The following ARL15 variants were observed in gnomAD, a reference collection of about 807,000 sequenced individuals.
ARL15 encodes ADP-ribosylation factor-like protein 15.
ARL15 carries 19 observed loss-of-function variants against 25.2 expected under a neutral mutation model. The observed-to-expected ratio is 0.75, with a 90% CI of 0.53 to 1.10. The LOEUF is 1.10. Ranked by LOEUF, ARL15 falls within the 50% of genes least tolerant of loss-of-function variation. The pLI, the probability that ARL15 is intolerant of heterozygous loss-of-function variation, is 0.00. For synonymous variants in ARL15, 94 were observed against 86.8 expected (o/e 1.08, Z -0.46); for missense variants, 220 against 246.0 (o/e 0.89, Z 0.71).
chr5:53,893,273 C>CT (rs1744776768), intron 4 of ARL15, among the ~76,000 whole-genome samples: 1 of 152,038 alleles, frequency 6.6e-6, no homozygotes, highest in Non-Finnish European at 1.5e-5. Flanking sequence ...ACCACAGAAA[C>CT]CTGCGAGTAC....
At chr5:54,272,908 G>C (rs1757826510) in intron 1 of ARL15, among the ~76,000 whole-genome samples, 1 of 152,130 alleles carries the variant, frequency 6.6e-6, no homozygotes, top group African/African-American at 2.4e-5. Context: ...AGCAGAGTAA[G>C]GAGACCTCTG....
chr5:54,147,383 C>T (rs1445899236), intron 3 of ARL15, among the ~76,000 whole-genome samples: 1 of 151,994 alleles, frequency 6.6e-6, no homozygotes, highest in Non-Finnish European at 1.5e-5. Flanking sequence ...CAGCCCAATC[C>T]CTTGGGAAAT....
intron 4 of ARL15, among the ~76,000 whole-genome samples, chr5:53,894,920 C>T (rs2111912753): frequency 6.6e-6 from 1 of 152,348 alleles, no homozygotes. Context: ...GTTGCCTCCT[C>T]ATCACCCAGG....
chr5:54,024,485 A>T (rs1749719614), intron 4 of ARL15, among the ~76,000 whole-genome samples: 1 of 152,230 alleles, frequency 6.6e-6, no homozygotes, highest in African/African-American at 2.4e-5. Flanking sequence ...ACACAATTTT[A>T]AAATTAATAT....
At chr5:54,295,645 T>C (rs913132378) in intron 1 of ARL15, among the ~76,000 whole-genome samples, 1 of 152,124 alleles carries the variant, frequency 6.6e-6, no homozygotes, top group Admixed American at 6.6e-5. Context: ...ATATAAAATA[T>C]ACATTTCTAT....
At chr5:54,095,657 C>G (rs906372706) in intron 4 of ARL15, among the ~76,000 whole-genome samples, 11 of 152,146 alleles carry the variant, frequency 7.2e-5, no homozygotes, top group African/African-American at 2.6e-4. Flanking sequence ...GCTTTCTCCC[C>G]CCAAGTACTA....
Position 54,154,659 on chromosome 5 carries a change from A to G in ARL15, c.194-20T>C. 1 of 1,451,872 alleles carries G rather than the reference A, an allele frequency of 6.9e-7. No homozygotes were observed. Among genetic ancestry groups the G allele is most frequent in the Non-Finnish European group, 9.2e-7 (1 of 1,086,702 alleles). The allele number at this position is 1,451,872 out of a possible 1,614,324, so 89.9% of individuals were successfully genotyped here. A position where few individuals can be genotyped will look rare whatever the true frequency, so the allele number is the denominator to read the frequency against. On this transcript the variant is annotated intron_variant, in intron 2 of 4. Coordinates refer to ENST00000504924, the MANE Select transcript of ARL15 (RefSeq NM_019087.3). ...TAAAACCTAAAATTAGAAAACAAAAACATAAAAAAAGAATTAGCAACTTTT... is the reference window on the plus strand; with the variant it reads ...TAAAACCTAAAATTAGAAAACAAAAGCATAAAAAAAGAATTAGCAACTTTT...
chr5:53,899,611 C>G (rs745595405), intron 4 of ARL15, among the ~76,000 whole-genome samples: 4 of 151,732 alleles, frequency 2.6e-5, no homozygotes, highest in Non-Finnish European at 5.9e-5. Flanking sequence ...TTGGATCTCA[C>G]CCCCATATAT....
intron 1 of ARL15, among the ~76,000 whole-genome samples, chr5:54,281,815 C>T (rs929649981): frequency 1.3e-5 from 2 of 152,084 alleles, no homozygotes; most frequent in Non-Finnish European, 1.5e-5. Context: ...TGTATTTTCC[C>T]GTGACTTGTT....
chr5:53,941,288 G>T (rs1208561249), intron 4 of ARL15, among the ~76,000 whole-genome samples: 1 of 152,022 alleles, frequency 6.6e-6, no homozygotes, highest in Non-Finnish European at 1.5e-5. Flanking sequence ...TTAAAAAAAG[G>T]ATTATGTATA....
At chr5:54,217,361 T>C (rs773744686) in intron 1 of ARL15, among the ~76,000 whole-genome samples, 22 of 152,130 alleles carry the variant, frequency 1.4e-4, no homozygotes, top group Non-Finnish European at 2.9e-4. Context: ...TCACAGATCG[T>C]TAGTTATATT....
At chr5:53,917,562 A>C (rs1274544427) in intron 4 of ARL15, among the ~76,000 whole-genome samples, 1 of 152,184 alleles carries the variant, frequency 6.6e-6, no homozygotes, top group Non-Finnish European at 1.5e-5. Context: ...TTAAGAAAAC[A>C]ACCCCACCTC....
At chr5:54,192,020 T>C (rs1053236883) in intron 1 of ARL15, among the ~76,000 whole-genome samples, 1 of 152,110 alleles carries the variant, frequency 6.6e-6, no homozygotes, top group Non-Finnish European at 1.5e-5. Flanking sequence ...ATTTCTTCAC[T>C]CAGTCAGTTA....
chr5:54,284,981 C>T (rs963032555), intron 1 of ARL15, among the ~76,000 whole-genome samples: 2 of 152,078 alleles, frequency 1.3e-5, no homozygotes, highest in Non-Finnish European at 2.9e-5. Context: ...TATATAGATG[C>T]TATATTTGCA....
At chr5:53,940,950 T>C (rs1746522796) in intron 4 of ARL15, among the ~76,000 whole-genome samples, 1 of 152,196 alleles carries the variant, frequency 6.6e-6, no homozygotes. Context: ...AAAATATTTA[T>C]TATATTGTCC....
chr5:53,912,155 A>G (rs1229181645), intron 4 of ARL15: 1 of 152,110 alleles, frequency 6.6e-6, no homozygotes, highest in Non-Finnish European at 1.5e-5. Flanking sequence ...AAATATATAT[A>G]TTAACTCACT....
At chr5:53,944,389 T>A (rs941636069) in intron 4 of ARL15, among the ~76,000 whole-genome samples, 1 of 152,174 alleles carries the variant, frequency 6.6e-6, no homozygotes, top group East Asian at 1.9e-4. Context: ...GGCAGGAGGA[T>A]CGTTTGAGCC....
chr5:54,155,867 T>G (rs1402818564), intron 2 of ARL15, among the ~76,000 whole-genome samples: 5 of 152,190 alleles, frequency 3.3e-5, no homozygotes, highest in Admixed American at 3.3e-4. Context: ...ATTTCTTTTT[T>G]GAATTAAAAG....
chr5:54,012,612 C>T (rs1203220752), intron 4 of ARL15, among the ~76,000 whole-genome samples: 2 of 151,664 alleles, frequency 1.3e-5, no homozygotes, highest in Non-Finnish European at 2.9e-5. Context: ...ACAACCTCCA[C>T]CTCCCAGCTT....
Sources: gnomAD v4.1 joint callset for allele counts (sites outside exome capture counted in the v4.1 genomes callset) on GRCh38, gnomAD v4.1.1 for gene constraint, MANE v1.5 for transcripts, NCBI Gene and HGNC (gene_info 2026-07-23, HGNC 2026-07-21) for gene names.